The following OPRM1 variants were observed in gnomAD, a reference collection of about 807,000 sequenced individuals.
The protein encoded by OPRM1 is opioid receptor mu 1, also known as mu-type opioid receptor.
OPRM1 carries 27 observed loss-of-function variants against 31.8 expected under a neutral mutation model. The observed-to-expected ratio is 0.85, with a 90% CI of 0.63 to 1.17. The LOEUF is 1.17. OPRM1 is among the 50% of genes most tolerant of loss of function. The pLI, the probability that OPRM1 is intolerant of heterozygous loss-of-function variation, is 0.00. For missense variants in OPRM1, 536 were observed against 511.1 expected (o/e 1.05, Z -0.47); for synonymous variants, 196 against 189.9 (o/e 1.03, Z -0.26).
intron 3 of OPRM1, among the ~76,000 whole-genome samples, chr6:154,104,307 T>C (rs1415021816): frequency 1.3e-5 from 2 of 152,180 alleles, no homozygotes; most frequent in African/African-American, 2.4e-5. Flanking sequence ...CCTGTATTCC[T>C]ACACAAAGAA....
chr6:154,113,683 G>C (rs1230192583), intron 3 of OPRM1, among the ~76,000 whole-genome samples: 4 of 152,144 alleles, frequency 2.6e-5, no homozygotes, highest in Non-Finnish European at 5.9e-5. Flanking sequence ...AGGCACAGTA[G>C]AATAATTCTG....
intron 3 of OPRM1, among the ~76,000 whole-genome samples, chr6:154,192,404 T>C (rs1339645957): frequency 6.6e-6 from 1 of 151,882 alleles, no homozygotes; most frequent in African/African-American, 2.4e-5. Flanking sequence ...AGAACACTCT[T>C]CTATGTATAT....
chr6:154,152,401 T>C (rs1413314604), intron 3 of OPRM1, among the ~76,000 whole-genome samples: 5 of 96,852 alleles, frequency 5.2e-5, no homozygotes, highest in Admixed American at 1.8e-4. Context: ...AGAGAAATAG[T>C]GTTCAGGTTG....
Position 154,213,070 on chromosome 6 carries a change from C to G in OPRM1, c.1165-33623C>G, listed in dbSNP as rs530656899. ...CGGGGCTCCTGACCTCAAAGAGCAT[C>G]CAATATGCAGGAAGAAGACAAATCG... On this transcript the variant is annotated intron_variant, in intron 3 of 3. Transcript: ENST00000337049. The G allele has an allele frequency of 5.8e-6, 3 of 519,918 alleles. No individual in the cohort carries two copies. In the South Asian group the frequency reaches 8.9e-5, roughly 15 times the overall value. The allele number at this position is 519,918 out of a possible 1,614,324, so 32.2% of individuals were successfully genotyped here.
chr6:154,023,804 G>GATCAT (rs879704734), intron 1 of OPRM1, among the ~76,000 whole-genome samples: 1 of 152,036 alleles, frequency 6.6e-6, no homozygotes, highest in Non-Finnish European at 1.5e-5. Context: ...CAATTGATAT[G>GATCAT]ATCATATGGT....
At chr6:154,164,505 G>A (rs12199124) in intron 3 of OPRM1, among the ~76,000 whole-genome samples, 14,761 of 152,256 alleles carry the variant, frequency 0.097, 1,073 homozygotes, top group East Asian at 0.41. Context: ...TCTCCTGGAT[G>A]GCGCATGAGG....
chr6:154,088,244 A>G (rs973608135), intron 1 of OPRM1, among the ~76,000 whole-genome samples: 1 of 152,208 alleles, frequency 6.6e-6, no homozygotes, highest in Non-Finnish European at 1.5e-5. Flanking sequence ...TTCTATTTGC[A>G]TCTTCTAGGA....
At chr6:154,161,215 A>T (rs1261283358) in intron 3 of OPRM1, among the ~76,000 whole-genome samples, 67 of 133,810 alleles carry the variant, frequency 5.0e-4, no homozygotes, top group African/African-American at 6.4e-4. Context: ...TTTTCTTTTC[A>T]TTTTTTTTTT....
downstream of OPRM1, among the ~76,000 whole-genome samples, chr6:154,133,768 C>T (rs1583643313): frequency 1.3e-5 from 2 of 152,314 alleles, no homozygotes; most frequent in East Asian, 1.9e-4. Context: ...AGATACTGTG[C>T]GTTTGCAATG....
At chr6:154,012,380 C>T (rs1777776816) in intron 1 of OPRM1, among the ~76,000 whole-genome samples, 1 of 152,096 alleles carries the variant, frequency 6.6e-6, no homozygotes, top group African/African-American at 2.4e-5. Flanking sequence ...ATATGTATTT[C>T]CTTCCTTTAA....
chr6:154,100,393 T>A (rs1794657666), intron 3 of OPRM1, among the ~76,000 whole-genome samples: 1 of 151,432 alleles, frequency 6.6e-6, no homozygotes, highest in Non-Finnish European at 1.5e-5. Flanking sequence ...CTAACTGGTG[T>A]GAGATAAGTA....
intron 3 of OPRM1, among the ~76,000 whole-genome samples, chr6:154,203,036 T>C (rs2128594882): frequency 6.6e-6 from 1 of 152,260 alleles, no homozygotes; most frequent in African/African-American, 2.4e-5. Context: ...GAAAACACGC[T>C]TTATAGACCG....
At chr6:154,085,252 T>C (rs560382626) in intron 1 of OPRM1, among the ~76,000 whole-genome samples, 1 of 152,298 alleles carries the variant, frequency 6.6e-6, no homozygotes, top group African/African-American at 2.4e-5. Context: ...ACAAAAGTCA[T>C]ATATGCAACA....
intron 3 of OPRM1, among the ~76,000 whole-genome samples, chr6:154,171,987 G>C (rs1416485668): frequency 2.0e-5 from 3 of 152,118 alleles, no homozygotes; most frequent in African/African-American, 7.2e-5. Context: ...AACCAAACAA[G>C]AGTATGACAA....
rs1234056901 is a variant in OPRM1, at chr6:154,131,235, G to GA, written c.*12521dup. ...AAAGATACATATAATGTTTCCGTAG[G>GA]AAAAAAATCAAAATATTGTAAAGAA... On this transcript the variant is annotated 3_prime_UTR_variant, in exon 4 of 4. Coordinates refer to ENST00000330432, the MANE Select transcript of OPRM1 (RefSeq NM_000914.5). Among the ~76,000 whole-genome samples the GA allele has an allele frequency of 6.6e-6, 1 of 152,052 alleles. No homozygotes were observed. Among genetic ancestry groups the GA allele is most frequent in the African/African-American group, 2.4e-5 (1 of 41,422 alleles).
rs1797373943 is a variant in OPRM1 at position 154,122,773 on chromosome 6, G to C, written c.*4052G>C. Among the ~76,000 whole-genome samples the C allele has an allele frequency of 6.6e-6, 1 of 152,178 alleles. No homozygotes were observed. The highest frequency in any genetic ancestry group is 6.5e-5 in the Admixed American group (1 of 15,268). On this transcript the variant is annotated 3_prime_UTR_variant, in exon 4 of 4. Coordinates refer to ENST00000330432, the MANE Select transcript of OPRM1 (RefSeq NM_000914.5). ...AATACCATTCTTAAAGCAGTAGACA[G>C]ATGAGTCAAGTTCAATTTAATGCAA...
intron 1 of OPRM1, among the ~76,000 whole-genome samples, chr6:154,026,219 T>TG (rs60011626): frequency 0.091 from 13,464 of 147,376 alleles, 1,056 homozygotes; most frequent in African/African-American, 0.21. Flanking sequence ...ATAGGGTAAA[T>TG]TTTTTTTTTT....
intron 3 of OPRM1, among the ~76,000 whole-genome samples, chr6:154,233,165 C>T (rs531417513): frequency 1.2e-4 from 18 of 152,172 alleles, no homozygotes; most frequent in African/African-American, 4.3e-4. Flanking sequence ...GACATGGTTT[C>T]GCCATATTGG....
intron 3 of OPRM1, chr6:154,107,461 CT>C: frequency 1.4e-6 from 1 of 718,546 alleles, no homozygotes; most frequent in South Asian, 1.5e-5. Flanking sequence ...GACTTACTTT[CT>C]AGGTGGAATT....
Sources: allele counts gnomAD v4.1 joint callset (sites outside exome capture counted in the v4.1 genomes callset), GRCh38; gene constraint gnomAD v4.1.1; transcripts MANE v1.5; gene names NCBI Gene and HGNC (gene_info 2026-07-23, HGNC 2026-07-21).